WDR35: variants seen among roughly 807,000 people sequenced by gnomAD.
WDR35 encodes WD repeat domain 35.
In WDR35, 118 loss-of-function variants were observed where a neutral mutation model predicts 158.3. That is an observed-to-expected ratio of 0.75 (90% CI 0.64 to 0.87). The LOEUF (loss-of-function observed/expected upper bound fraction) is 0.87, where lower values mean the gene tolerates loss of function less well. Among genes scored for constraint, WDR35 ranks in the 40% least tolerant of loss-of-function variants. The pLI is 0.00. For missense variants in WDR35, 1,263 were observed against 1,405.8 expected (o/e 0.90, Z 1.62); for synonymous variants, 448 against 476.1 (o/e 0.94, Z 0.77).
chr2:19,968,946 G>A (rs1336192563), intron 9 of WDR35, among the ~76,000 whole-genome samples: 1 of 152,228 alleles, frequency 6.6e-6, no homozygotes, highest in African/African-American at 2.4e-5. Context: ...CTGGCCATCT[G>A]GCTCCCCTTT....
At position 19,943,215 on chromosome 2, in the gene WDR35, A is replaced by T. The variant is rs576298451; in HGVS notation, c.1846-1376T>A. Among the ~76,000 whole-genome samples the T allele has an allele frequency of 2.0e-5, 3 of 152,214 alleles. No homozygotes were observed. In the South Asian group the frequency reaches 6.2e-4, roughly 32 times the overall value. Reference sequence around the variant, plus strand: ...GCAAACAAGAAAAGGCAGAACTGACACCTCTCTTACTCCTAGCACAGATTC... The same window carrying T: ...GCAAACAAGAAAAGGCAGAACTGACTCCTCTCTTACTCCTAGCACAGATTC... On this transcript the variant is annotated intron_variant, in intron 16 of 26. Coordinates refer to ENST00000281405, the MANE Select transcript of WDR35 (RefSeq NM_020779.4).
intron 25 of WDR35, among the ~76,000 whole-genome samples, chr2:19,929,506 T>C (rs1221483542): frequency 6.6e-6 from 1 of 152,224 alleles, no homozygotes; most frequent in Non-Finnish European, 1.5e-5. Flanking sequence ...TAGTCATTCA[T>C]ATGCTTTGGC....
At chr2:19,984,388 A>AGTTACATTACTAG (rs990468278) in intron 2 of WDR35, among the ~76,000 whole-genome samples, 3 of 152,222 alleles carry the variant, frequency 2.0e-5, no homozygotes, top group African/African-American at 7.2e-5. Flanking sequence ...GATTCCATTC[A>AGTTACATTACTAG]GTTACATTAC....
At chr2:19,958,874 T>G (rs1396885294) in intron 11 of WDR35, among the ~76,000 whole-genome samples, 2 of 152,128 alleles carry the variant, frequency 1.3e-5, no homozygotes, top group African/African-American at 4.8e-5. Context: ...TCCCACAAAC[T>G]ACACTTCTAT....
intron 10 of WDR35, among the ~76,000 whole-genome samples, chr2:19,961,196 T>C (rs912570568): frequency 6.6e-6 from 1 of 152,096 alleles, no homozygotes; most frequent in Non-Finnish European, 1.5e-5. Flanking sequence ...ATGGGGACAA[T>C]GCCCTAAAGA....
At chr2:19,919,464 C>G (rs1281343821) in intron 25 of WDR35, among the ~76,000 whole-genome samples, 1 of 147,530 alleles carries the variant, frequency 6.8e-6, no homozygotes, top group African/African-American at 2.5e-5. Flanking sequence ...GGAAACTGAA[C>G]AACCTTCTCC....
intron 19 of WDR35, 84 bp from the exon 20 acceptor site, chr2:19,936,449 G>C (rs1670700713): frequency 1.1e-5 from 17 of 1,591,882 alleles, no homozygotes; most frequent in Admixed American, 1.7e-5. Context: ...TACAGTTCTA[G>C]GTGCTGAGGC....
intron 25 of WDR35, among the ~76,000 whole-genome samples, chr2:19,924,495 C>A (rs189816402): frequency 6.4e-4 from 98 of 152,202 alleles, no homozygotes; most frequent in African/African-American, 2.1e-3. Flanking sequence ...ACCCGGGAGG[C>A]GGAGCTTGCA....
chr2:19,939,664 C>T (rs1043218618), intron 17 of WDR35, among the ~76,000 whole-genome samples: 43 of 152,112 alleles, frequency 2.8e-4, no homozygotes, highest in African/African-American at 9.9e-4. Context: ...TGATGTTTAA[C>T]GGTAGTGACT....
In WDR35 at chr2:19,933,521, C is replaced by T. The variant is rs1558329651; in HGVS notation, c.2548-10G>A. On this transcript the variant is annotated splice_polypyrimidine_tract_variant and intron_variant, in intron 21 of 26. Coordinates refer to ENST00000281405, the MANE Select transcript of WDR35 (RefSeq NM_020779.4). Reference sequence around the variant, plus strand: ...ACATTTGTGCTATTTCCTGTACAAACAAAACAATACTATCAGATTTCACAG... The same window carrying T: ...ACATTTGTGCTATTTCCTGTACAAATAAAACAATACTATCAGATTTCACAG... 6.2e-7 allele frequency: 1 copy of T among 1,600,616 alleles called. No individual in the cohort carries two copies. Among genetic ancestry groups the T allele is most frequent in the Non-Finnish European group, 8.6e-7 (1 of 1,168,462 alleles).
rs1397097459 is a variant in WDR35, at chr2:19,948,229, T to C, written c.1471-12A>G. On this transcript the variant is annotated splice_polypyrimidine_tract_variant and intron_variant, in intron 13 of 26. Transcript: ENST00000281405. ...GGATCCCTTGTGCCCTAAAATAAAT[T>C]AATCAATCATTACTATTCAACAAAC... 6.2e-7 allele frequency: 1 copy of C among 1,607,186 alleles called. No individual in the cohort carries two copies. The highest frequency in any genetic ancestry group is 1.7e-5 in the Admixed American group (1 of 59,808).
chr2:19,935,344 C>T, intron 21 of WDR35, 127 bp downstream of exon 21: 3 of 1,000,448 alleles, frequency 3.0e-6, no homozygotes, highest in South Asian at 1.8e-5. Flanking sequence ...AGCATCATTC[C>T]ATGTCTAAGA....
intron 7 of WDR35, among the ~76,000 whole-genome samples, chr2:19,974,089 C>A (rs1408313412): frequency 2.0e-5 from 3 of 151,524 alleles, no homozygotes; most frequent in Non-Finnish European, 2.9e-5. Context: ...CAGAGCAAGA[C>A]CCTGTCGCAA....
At chr2:19,948,325 C>T in intron 13 of WDR35, 108 bp from the exon 14 acceptor site, 7 of 1,023,836 alleles carry the variant, frequency 6.8e-6, no homozygotes, top group Non-Finnish European at 1.0e-5. Context: ...CTTAACTTAA[C>T]CAACATTTAT....
intron 10 of WDR35, 122 bp downstream of exon 10, chr2:19,966,602 T>C (rs1339307425): frequency 1.0e-5 from 12 of 1,152,732 alleles, no homozygotes; most frequent in Middle Eastern, 2.9e-4. Flanking sequence ...TCTAGACCAA[T>C]AGTGCCAACA....
chr2:19,937,030 A>G (rs532801884), intron 19 of WDR35, among the ~76,000 whole-genome samples: 4 of 152,350 alleles, frequency 2.6e-5, no homozygotes, highest in African/African-American at 9.6e-5. Context: ...GTTTATTTCA[A>G]AACAAAACAC....
intron 2 of WDR35, among the ~76,000 whole-genome samples, chr2:19,988,671 C>T (rs565657524): frequency 1.6e-3 from 243 of 152,130 alleles, no homozygotes; most frequent in Non-Finnish European, 2.7e-3. Flanking sequence ...TGCTGTGATT[C>T]CAGAGAACTA....
At chr2:19,935,680 T>C (rs892860306) in intron 20 of WDR35, 77 bp from the exon 21 acceptor site, 1 of 1,522,358 alleles carries the variant, frequency 6.6e-7, no homozygotes, top group Non-Finnish European at 8.9e-7. Context: ...ACCAAAATGT[T>C]CCTTCATCAT....
At chr2:19,981,489 T>C (rs1672380517) in intron 3 of WDR35, among the ~76,000 whole-genome samples, 1 of 152,180 alleles carries the variant, frequency 6.6e-6, no homozygotes, top group Non-Finnish European at 1.5e-5. Context: ...GATTATACAG[T>C]GCATTTAGTT....
Sources: gnomAD v4.1 joint callset for allele counts (sites outside exome capture counted in the v4.1 genomes callset) on GRCh38, gnomAD v4.1.1 for gene constraint, MANE v1.5 for transcripts, NCBI Gene and HGNC (gene_info 2026-07-23, HGNC 2026-07-21) for gene names.